The following C2orf76 variants were observed in gnomAD, a reference collection of about 807,000 sequenced individuals.
The protein encoded by C2orf76 is UPF0538 protein C2orf76.
In C2orf76, 23 loss-of-function variants were observed where a neutral mutation model predicts 16.9. The ratio of observed to expected loss-of-function variants is 1.36; its 90% CI spans 0.98 to 1.93. The LOEUF (loss-of-function observed/expected upper bound fraction) is 1.93, where lower values mean the gene tolerates loss of function less well. Among genes scored for constraint, C2orf76 ranks in the 30% most tolerant of loss-of-function variants. The pLI is 0.00. For synonymous variants in C2orf76, 48 were observed against 52.3 expected (o/e 0.92, Z 0.35); for missense variants, 152 against 152.6 (o/e 1.00, Z 0.02).
intron 1 of C2orf76, among the ~76,000 whole-genome samples, chr2:119,340,606 G>GTTTT (rs1679994984): frequency 6.6e-6 from 1 of 152,020 alleles, no homozygotes; most frequent in African/African-American, 2.4e-5. Context: ...TTTGCCTCAT[G>GTTTT]GTTTCGTGAG....
chr2:119,282,236 G>A, the C2orf76 span, among the ~76,000 whole-genome samples: 1 of 152,288 alleles, frequency 6.6e-6, no homozygotes, highest in African/African-American at 2.4e-5. Context: ...GCAATCCTAT[G>A]TGGATCTATT....
chr2:119,342,134 T>G (rs1038822421), intron 1 of C2orf76, among the ~76,000 whole-genome samples: 1 of 152,112 alleles, frequency 6.6e-6, no homozygotes, highest in Non-Finnish European at 1.5e-5. Context: ...AAGTAAAGGA[T>G]GGTGTACTCC....
At chr2:119,366,872 G>T (rs573357181), upstream of C2orf76, 14 of 781,164 alleles carry the variant, frequency 1.8e-5, no homozygotes, top group Middle Eastern at 3.7e-4. Flanking sequence ...GCGCCGCGGC[G>T]GGGGCTGGGC....
the C2orf76 span, among the ~76,000 whole-genome samples, chr2:119,290,892 C>G: frequency 6.6e-6 from 1 of 152,070 alleles, no homozygotes; most frequent in Non-Finnish European, 1.5e-5. Context: ...CGCTGTTGAG[C>G]ACTAGTACAA....
chr2:119,360,557 ATAGTG>A (rs1558799974), intron 1 of C2orf76, among the ~76,000 whole-genome samples: 2 of 151,858 alleles, frequency 1.3e-5, no homozygotes, highest in Non-Finnish European at 2.9e-5. Context: ...GACTATACGT[ATAGTG>A]TAAACATAAC....
chr2:119,333,721 T>C (rs1679748277), intron 2 of C2orf76, among the ~76,000 whole-genome samples: 1 of 152,246 alleles, frequency 6.6e-6, no homozygotes, highest in Non-Finnish European at 1.5e-5. Flanking sequence ...CTGACCTACA[T>C]GGTAATCCTG....
the C2orf76 span, among the ~76,000 whole-genome samples, chr2:119,295,335 C>T: frequency 3.3e-5 from 5 of 152,082 alleles, no homozygotes; most frequent in South Asian, 2.1e-4. Flanking sequence ...ATGTATAGTC[C>T]GATGGCATAA....
the C2orf76 span, among the ~76,000 whole-genome samples, chr2:119,293,529 T>G: frequency 2.0e-5 from 3 of 152,194 alleles, no homozygotes; most frequent in African/African-American, 7.2e-5. Context: ...GAAGAATCAC[T>G]GTGATGGCTG....
the C2orf76 span, among the ~76,000 whole-genome samples, chr2:119,291,136 G>A: frequency 1.1e-3 from 166 of 152,130 alleles, no homozygotes; most frequent in African/African-American, 3.8e-3. Flanking sequence ...ACTTCTCCGC[G>A]TAACGAGGCT....
At chr2:119,315,199 C>A (rs1222652001) in intron 4 of C2orf76, among the ~76,000 whole-genome samples, 1 of 152,102 alleles carries the variant, frequency 6.6e-6, no homozygotes, top group South Asian at 2.1e-4. Context: ...CACATACACA[C>A]ACACACACAC....
chr2:119,294,799 G>A, the C2orf76 span, among the ~76,000 whole-genome samples: 11 of 152,174 alleles, frequency 7.2e-5, no homozygotes, highest in Admixed American at 2.6e-4. Flanking sequence ...ACCCCACCAC[G>A]CGCAGTACAG....
chr2:119,345,835 G>A (rs1484311559), intron 1 of C2orf76, among the ~76,000 whole-genome samples: 2 of 152,088 alleles, frequency 1.3e-5, no homozygotes, highest in African/African-American at 2.4e-5. Flanking sequence ...GCCGAGGCCC[G>A]CGGATCACAA....
At chr2:119,292,131 T>C in the C2orf76 span, among the ~76,000 whole-genome samples, 1 of 152,172 alleles carries the variant, frequency 6.6e-6, no homozygotes, top group Non-Finnish European at 1.5e-5. Context: ...TTTTCCAATT[T>C]GTATAATTTT....
the C2orf76 span, among the ~76,000 whole-genome samples, chr2:119,293,763 TG>T: frequency 1.3e-5 from 2 of 152,144 alleles, no homozygotes; most frequent in African/African-American, 4.8e-5. Context: ...ATGGCCTGGC[TG>T]TGGGGGTAAA....
chr2:119,333,766 A>C (rs1679749721), intron 2 of C2orf76, among the ~76,000 whole-genome samples: 1 of 152,350 alleles, frequency 6.6e-6, no homozygotes, highest in African/African-American at 2.4e-5. Context: ...ATCATGAGAA[A>C]ACAATCTAGA....
chr2:119,286,754 A>C, the C2orf76 span, among the ~76,000 whole-genome samples: 28 of 152,186 alleles, frequency 1.8e-4, no homozygotes, highest in African/African-American at 6.5e-4. Flanking sequence ...AGGGAAGGAC[A>C]CCAGACGGGA....
chr2:119,303,240 C>A (rs769928843), intron 5 of C2orf76, among the ~76,000 whole-genome samples: 3 of 152,222 alleles, frequency 2.0e-5, no homozygotes, highest in Non-Finnish European at 4.4e-5. Context: ...TTCTTTCAAC[C>A]TAGCAGGTCA....
intron 2 of C2orf76, among the ~76,000 whole-genome samples, chr2:119,336,206 C>G (rs115745564): frequency 0.024 from 3,616 of 151,814 alleles, 118 homozygotes; most frequent in African/African-American, 0.082. Context: ...ACCAGCCTAC[C>G]AACATGGTGA....
the C2orf76 span, among the ~76,000 whole-genome samples, chr2:119,292,734 A>C: frequency 6.6e-6 from 1 of 152,156 alleles, no homozygotes; most frequent in Non-Finnish European, 1.5e-5. Flanking sequence ...TTTCGCTTTA[A>C]CATTCAAATA....
Sources: gnomAD v4.1 joint callset for allele counts (sites outside exome capture counted in the v4.1 genomes callset) on GRCh38, gnomAD v4.1.1 for gene constraint, MANE v1.5 for transcripts, NCBI Gene and HGNC (gene_info 2026-07-23, HGNC 2026-07-21) for gene names.